The following AP5Z1 variants were observed in gnomAD, a reference collection of about 807,000 sequenced individuals.
The protein encoded by AP5Z1 is AP-5 complex subunit zeta-1.
AP5Z1 carries 106 observed loss-of-function variants against 83.0 expected under a neutral mutation model. The observed-to-expected ratio is 1.28, with a 90% confidence interval of 1.09 to 1.50. The LOEUF (loss-of-function observed/expected upper bound fraction) is 1.50. AP5Z1 is among the 40% of genes most tolerant of loss of function. AP5Z1 has a pLI of 0.00. For missense variants in AP5Z1, 1,565 were observed against 1,094.2 expected (o/e 1.43, Z -6.07); for synonymous variants, 751 against 514.1 (o/e 1.46, Z -6.23).
chr7:4,785,477 G>T, intron 8 of AP5Z1, 25 bp downstream of exon 8: 1 of 1,613,042 alleles, frequency 6.2e-7, no homozygotes, highest in Non-Finnish European at 8.5e-7. Context: ...ACCAGGGGAT[G>T]GGAGGCAGCG....
At chr7:4,788,116 C>T in intron 11 of AP5Z1, 38 bp from the exon 12 acceptor site, 2 of 1,492,336 alleles carry the variant, frequency 1.3e-6, no homozygotes, top group East Asian at 2.5e-5. Context: ...AGTGCAGGGG[C>T]CGCATCCCAG....
chr7:4,783,898 G>A (rs1302419061), intron 5 of AP5Z1, 100 bp downstream of exon 5: 17 of 1,285,362 alleles, frequency 1.3e-5, no homozygotes, highest in Admixed American at 4.3e-5. Flanking sequence ...CTGTCGTTCC[G>A]CGGGGTCCAG....
At chr7:4,775,795 C>A (rs771634789) in intron 1 of AP5Z1, 39 bp downstream of exon 1, 109 of 1,597,058 alleles carry the variant, frequency 6.8e-5, no homozygotes, top group Non-Finnish European at 8.7e-5. Flanking sequence ...CTTCCTGCAT[C>A]TCTCCCTAGG....
intron 1 of AP5Z1, among the ~76,000 whole-genome samples, chr7:4,780,917 A>G (rs1781363398): frequency 6.6e-6 from 1 of 152,218 alleles, no homozygotes; most frequent in African/African-American, 2.4e-5. Context: ...GGAACAAGAA[A>G]ATCTAAGTGC....
chr7:4,778,639 G>A (rs1781285333), intron 1 of AP5Z1, among the ~76,000 whole-genome samples: 1 of 151,802 alleles, frequency 6.6e-6, no homozygotes, highest in Non-Finnish European at 1.5e-5. Context: ...TTGAGACTTG[G>A]AGAATATGCT....
At chr7:4,780,290 A>G (rs1426605945) in intron 1 of AP5Z1, among the ~76,000 whole-genome samples, 5 of 152,222 alleles carry the variant, frequency 3.3e-5, no homozygotes, top group Admixed American at 6.5e-5. Flanking sequence ...GGCTTACCTT[A>G]CAATATGTCA....
intron 1 of AP5Z1, among the ~76,000 whole-genome samples, chr7:4,779,170 A>C (rs967059742): frequency 6.9e-6 from 1 of 145,474 alleles, no homozygotes; most frequent in Non-Finnish European, 1.5e-5. Flanking sequence ...TATATAACAT[A>C]TATAACATAA....
rs756864809 is a variant in AP5Z1, at chr7:4,785,699, G to T, written c.1132+15G>T. ...CCTGAGCCACGGTGAGCCCAGGGTG[G>T]GGTGGCGCTGACTCGGGGCTCTGCT... is the stretch of plus-strand genomic sequence containing the variant. On this transcript the variant is annotated intron_variant, in intron 9 of 16. Transcript: ENST00000649063. The T allele has an allele frequency of 1.3e-6, 2 of 1,491,014 alleles. No individual in the cohort carries two copies. Among genetic ancestry groups the T allele is most frequent in the Non-Finnish European group, 1.8e-6 (2 of 1,119,138 alleles). 92.4% of individuals were successfully genotyped at this position (1,491,014 alleles called of 1,614,324 possible).
chr7:4,790,066 C>A (rs1009019529), intron 14 of AP5Z1, 137 bp downstream of exon 14: 22 of 1,217,496 alleles, frequency 1.8e-5, no homozygotes, highest in Admixed American at 1.3e-4. Flanking sequence ...ACCCTGCCAC[C>A]CCCACCCACA....
Position 4,788,160 on chromosome 7 carries a change from A to G in AP5Z1, c.1461A>G (p.Ala487=). 1.3e-6 allele frequency: 2 copies of G among 1,551,772 alleles called. No individual in the cohort carries two copies. Among genetic ancestry groups the G allele is most frequent in the East Asian group, 2.4e-5 (1 of 41,220 alleles). ...TGGGCGTCTGTCCACGCAGGTCAGC[A>G]CCGGCTGCATCCGAGAGGCCACTCT... The part of the protein sequence containing the change: ...TAVLDLQLRS[A]PAASERPLWD... Residue 487 remains alanine, a synonymous_variant, in exon 12 of 17, where the codon GCA becomes GCG. Transcript: ENST00000649063.
rs371598633 is a variant in AP5Z1, at chr7:4,785,362, T to C, written c.932-53T>C. On this transcript the variant is annotated intron_variant, in intron 7 of 16. Transcript: ENST00000649063. ...TCCAGAGCACAAGCTGCCCCCTCATTGGGCCACTCTAAGGCTGAGACAGAG... is the reference window on the plus strand; with the variant it reads ...TCCAGAGCACAAGCTGCCCCCTCATCGGGCCACTCTAAGGCTGAGACAGAG... 80 of 1,588,580 alleles carry C rather than the reference T, an allele frequency of 5.0e-5. No homozygotes were observed. The African/African-American group carries it at 6.3e-4, about 13-fold the overall frequency.
intron 3 of AP5Z1, among the ~76,000 whole-genome samples, chr7:4,782,965 G>T (rs1301438973): frequency 6.6e-6 from 1 of 152,204 alleles, no homozygotes; most frequent in African/African-American, 2.4e-5. Context: ...TGCAGAGTGA[G>T]GTGGGTGGTT....
In AP5Z1 at chr7:4,784,207, G is replaced by T. The variant is rs1562406778; in HGVS notation, c.626G>T (p.Gly209Val). ...TCCTGCCTGTCCTTCCCACAGCCGG[G>T]CCCCGTCACCGAGGTGGACGGGGCG... Reference protein sequence around the residue: ...FFSTPRARQPGPVTEVDGAVA... With the variant: ...FFSTPRARQPVPVTEVDGAVA... Residue 209 changes from glycine (G) to valine (V), a missense_variant, in exon 6 of 17, where the codon GGC becomes GTC. Transcript: ENST00000649063. 2 of 1,581,376 alleles carry T rather than the reference G, an allele frequency of 1.3e-6. No individual in the cohort carries two copies. The highest frequency in any genetic ancestry group is 1.7e-6 in the Non-Finnish European group (2 of 1,166,498).
At chr7:4,780,455 C>T (rs1453198898) in intron 1 of AP5Z1, among the ~76,000 whole-genome samples, 2 of 149,620 alleles carry the variant, frequency 1.3e-5, no homozygotes, top group Non-Finnish European at 3.0e-5. Flanking sequence ...CCCGTCTCTA[C>T]TAAAAATGCA....
chr7:4,791,768 A>C lies in AP5Z1; in HGVS notation c.*383A>C. ...TCTCCTTTAATAAGCGTCTGTATGA[A>C]GAGTGCGCGATCAGTTCCGTTACCT... On this transcript the variant is annotated 3_prime_UTR_variant, in exon 17 of 17. Transcript: ENST00000649063. 4.0e-6 allele frequency: 1 copy of C among 252,376 alleles called. No individual in the cohort carries two copies. Among genetic ancestry groups the C allele is most frequent in the Admixed American group, 5.0e-5 (1 of 20,018 alleles). The allele number at this position is 252,376 out of a possible 1,614,324, so 15.6% of individuals were successfully genotyped here. A position where few individuals can be genotyped will look rare whatever the true frequency, so the allele number is the denominator to read the frequency against.
rs772150298 is a variant in AP5Z1, at chr7:4,794,156, G to C, written c.*2771G>C. On this transcript the variant is annotated 3_prime_UTR_variant, in exon 17 of 17. Coordinates refer to ENST00000649063, the MANE Select transcript of AP5Z1 (RefSeq NM_014855.3). ...TGGAAAACCTTTTTGTCAACACTCT[G>C]TATCTAGTTAATCTGGTGGGGACAT... The C allele has an allele frequency of 6.6e-6, 1 of 152,212 alleles. No individual in the cohort carries two copies. Among genetic ancestry groups the C allele is most frequent in the East Asian group, 1.9e-4 (1 of 5,198 alleles). 9.4% of individuals were successfully genotyped at this position (152,212 alleles called of 1,614,324 possible). A position where few individuals can be genotyped will look rare whatever the true frequency, so the allele number is the denominator to read the frequency against.
Position 4,784,374 on chromosome 7 carries a change from G to GT in AP5Z1, c.790+4dup. On this transcript the variant is annotated splice_donor_region_variant and intron_variant, in intron 6 of 16. Transcript: ENST00000649063. ...GGGCCCGGGCACCCTGGACACAGGTGTGCGGGGTGGGGGGATGACGTCAGA... is the reference window on the plus strand; with the variant it reads ...GGGCCCGGGCACCCTGGACACAGGTGTTGCGGGGTGGGGGGATGACGTCAGA... The GT allele has an allele frequency of 6.3e-7, 1 of 1,592,096 alleles. No homozygotes were observed. Among genetic ancestry groups the GT allele is most frequent in the Non-Finnish European group, 8.5e-7 (1 of 1,172,100 alleles).
Position 4,783,372 on chromosome 7 carries a change from G to T in AP5Z1, c.423G>T (p.Glu141Asp). Residue 141 changes from glutamate (E) to aspartate (D), a missense_variant, in exon 4 of 17, where the codon GAG (glutamate) becomes GAT (aspartate). Glu to Asp is a conservative substitution (Grantham distance 45, BLOSUM62 2). Transcript: ENST00000649063. ...GCCAGGGCGTGCTACGAGCGCTGGA[G>T]AGCCGGCAGCCTGAGGGACCCAGCC... ...AVGQGVLRALESRQPEGPSLR... is the reference protein window; with the variant it reads ...AVGQGVLRALDSRQPEGPSLR... 6.2e-7 allele frequency: 1 copy of T among 1,613,160 alleles called. No individual in the cohort carries two copies. Among genetic ancestry groups the T allele is most frequent in the Non-Finnish European group, 8.5e-7 (1 of 1,179,810 alleles).
Position 4,783,463 on chromosome 7 carries a change from A to G in AP5Z1, c.511+3A>G. 1 of 1,609,232 alleles carries G rather than the reference A, an allele frequency of 6.2e-7. No homozygotes were observed. Among genetic ancestry groups the G allele is most frequent in the South Asian group, 1.1e-5 (1 of 90,858 alleles). ...CAGCCCGGGCACCCTCCAGGAGGGT[A>G]CGCGGGGCCCCTCCCAAGAGGCTGT... is the stretch of plus-strand genomic sequence containing the variant. On this transcript the variant is annotated splice_donor_region_variant and intron_variant, in intron 4 of 16. Transcript: ENST00000649063.
Sources: gnomAD v4.1 joint callset for allele counts (sites outside exome capture counted in the v4.1 genomes callset) on GRCh38, gnomAD v4.1.1 for gene constraint, MANE v1.5 for transcripts, NCBI Gene and HGNC (gene_info 2026-07-23, HGNC 2026-07-21) for gene names.